Variants in GRIP1 observed in about 807,000 individuals in gnomAD.
GRIP1 encodes glutamate receptor interacting protein 1.
In GRIP1, 45 loss-of-function variants were observed where a neutral mutation model predicts 129.9. The observed-to-expected ratio is 0.35, with a 90% CI of 0.27 to 0.44. The LOEUF is 0.44. Among genes scored for constraint, GRIP1 ranks in the 20% least tolerant of loss-of-function variants. GRIP1 has a pLI of 1.00. For missense variants in GRIP1, 1,196 were observed against 1,396.8 expected, an observed-to-expected ratio of 0.86 and a Z score of 2.29; for synonymous variants, 530 against 520.8, an observed-to-expected ratio of 1.02 and a Z score of -0.24.
chr12:66,792,563 T>A (rs1231728013), intron 1 of GRIP1, among the ~76,000 whole-genome samples: 3 of 152,096 alleles, frequency 2.0e-5, no homozygotes, highest in African/African-American at 7.2e-5. Flanking sequence ...ATTTAAAAAG[T>A]AAATTTTTCA....
chr12:67,054,779 T>C (rs1330157877), intron 1 of GRIP1, among the ~76,000 whole-genome samples: 1 of 135,336 alleles, frequency 7.4e-6, no homozygotes, highest in African/African-American at 2.8e-5. Flanking sequence ...AAAAAAAAAG[T>C]CAAACCCTAT....
At chr12:66,445,192 G>T in intron 12 of GRIP1, 130 bp downstream of exon 12, 2 of 821,306 alleles carry the variant, frequency 2.4e-6, no homozygotes, top group Non-Finnish European at 4.1e-6. Flanking sequence ...AAATTTTATT[G>T]TCAGAAGACA....
chr12:66,521,863 C>A (rs373977094), intron 5 of GRIP1, among the ~76,000 whole-genome samples: 52 of 152,310 alleles, frequency 3.4e-4, no homozygotes, highest in African/African-American at 8.4e-4. Context: ...TATCCCGTAC[C>A]TGGCTTGGAG....
chr12:66,945,215 C>A (rs7297330), intron 1 of GRIP1, among the ~76,000 whole-genome samples: 63,257 of 151,760 alleles, frequency 0.42, 15,012 homozygotes, highest in African/African-American at 0.66. Context: ...GGTTTGTTAT[C>A]TAGGTAAATT....
chr12:66,411,793 C>A (rs373945298), intron 15 of GRIP1, among the ~76,000 whole-genome samples: 26 of 152,158 alleles, frequency 1.7e-4, no homozygotes, highest in Non-Finnish European at 3.2e-4. Flanking sequence ...CATAAATGAC[C>A]TTATGGAGCT....
chr12:66,545,542 T>C (rs1258991773), intron 2 of GRIP1, among the ~76,000 whole-genome samples: 2 of 152,178 alleles, frequency 1.3e-5, no homozygotes, highest in Non-Finnish European at 2.9e-5. Flanking sequence ...TTAACAAAAC[T>C]GTGCAACATC....
chr12:67,033,271 G>GTATGTA (rs1555166962), intron 1 of GRIP1, among the ~76,000 whole-genome samples: 200 of 143,030 alleles, frequency 1.4e-3, no homozygotes, highest in African/African-American at 4.7e-3. Flanking sequence ...AAGACTACAT[G>GTATGTA]TATATATATA....
At position 66,865,472 on chromosome 12, in the gene GRIP1, G is replaced by GT. The variant is rs34415330; in HGVS notation, c.58+203577dup. Among the ~76,000 whole-genome samples, 745 of 146,128 alleles carry GT rather than the reference G, an allele frequency of 5.1e-3. 4 individuals are homozygous for GT. Among genetic ancestry groups the GT allele is most frequent in the African/African-American group, 0.011 (436 of 39,850 alleles). On this transcript the variant is annotated intron_variant, in intron 1 of 1. Coordinates refer to the GRIP1 transcript ENST00000643019. ...ATAGAGCTAGCAGATCTTTGTGGTA[G>GT]TTTTTTTTTTTTGCATGGATAGAAA...
rs574943891 is a variant in GRIP1 at position 66,364,347 on chromosome 12, AAT to A, written c.3012+7345_3012+7346del. ...TGGTTGAGGTGTGAAAGGAAAATAA[AAT>A]TAAAATCTCAGGACCTCAAACTCAG... On this transcript the variant is annotated intron_variant, in intron 23 of 24. Transcript: ENST00000359742. Among the ~76,000 whole-genome samples the A allele has an allele frequency of 1.9e-4, 29 of 152,034 alleles. No homozygotes were observed. In the East Asian group the frequency reaches 5.4e-3, roughly 28 times the overall value.
intron 1 of GRIP1, among the ~76,000 whole-genome samples, chr12:66,733,937 A>G (rs1480789405): frequency 2.6e-5 from 4 of 152,168 alleles, no homozygotes; most frequent in African/African-American, 9.7e-5. Context: ...TGGCACTATC[A>G]CCACAGGGCA....
chr12:66,491,057 C>T (rs140914106), intron 7 of GRIP1, among the ~76,000 whole-genome samples: 10,209 of 152,220 alleles, frequency 0.067, 771 homozygotes, highest in East Asian at 0.21. Context: ...TGTGGCAATT[C>T]CTCAAAGACC....
chr12:66,740,226 T>C (rs749451157), intron 1 of GRIP1, among the ~76,000 whole-genome samples: 1 of 152,166 alleles, frequency 6.6e-6, no homozygotes, highest in African/African-American at 2.4e-5. Context: ...CGATTTTTCA[T>C]TCTGTCTGGC....
At chr12:66,886,730 ATTAATT>A (rs927648582) in intron 1 of GRIP1, among the ~76,000 whole-genome samples, 65 of 152,314 alleles carry the variant, frequency 4.3e-4, no homozygotes, top group African/African-American at 1.5e-3. Context: ...GCAAGATAAA[ATTAATT>A]TTAAAGATTA....
chr12:66,613,435 T>G (rs1035110639), intron 1 of GRIP1, among the ~76,000 whole-genome samples: 8 of 152,204 alleles, frequency 5.3e-5, no homozygotes, highest in Non-Finnish European at 1.2e-4. Flanking sequence ...ATAGAAAGGT[T>G]CCTGTATGTT....
At chr12:66,373,858 C>T (rs1241453247) in intron 22 of GRIP1, among the ~76,000 whole-genome samples, 3 of 152,128 alleles carry the variant, frequency 2.0e-5, no homozygotes, top group East Asian at 3.9e-4. Flanking sequence ...ACCATACATC[C>T]TCATTTCAGT....
chr12:66,535,339 A>T (rs578178457), intron 4 of GRIP1, among the ~76,000 whole-genome samples: 2 of 152,002 alleles, frequency 1.3e-5, no homozygotes, highest in Non-Finnish European at 2.9e-5. Flanking sequence ...GTAATTTCAA[A>T]GCAAACTGAC....
chr12:66,435,359 C>T (rs1382763435), intron 13 of GRIP1, among the ~76,000 whole-genome samples: 2 of 152,138 alleles, frequency 1.3e-5, no homozygotes, highest in East Asian at 1.9e-4. Flanking sequence ...CCTGCCATCA[C>T]GCCCAGCTAA....
chr12:67,008,492 A>G (rs187819405), intron 1 of GRIP1, among the ~76,000 whole-genome samples: 1 of 152,320 alleles, frequency 6.6e-6, no homozygotes, highest in East Asian at 1.9e-4. Flanking sequence ...TTAATGTACA[A>G]TAAAAGACAC....
chr12:66,951,859 T>C (rs1268989915), intron 1 of GRIP1, among the ~76,000 whole-genome samples: 1 of 147,446 alleles, frequency 6.8e-6, no homozygotes. Flanking sequence ...CCTAGGTTTC[T>C]AGATTACAGA....
Sources: gnomAD v4.1 joint callset for allele counts (sites outside exome capture counted in the v4.1 genomes callset) on GRCh38, gnomAD v4.1.1 for gene constraint, MANE v1.5 for transcripts, NCBI Gene and HGNC (gene_info 2026-07-23, HGNC 2026-07-21) for gene names.